ARFGEF2: variants seen among roughly 807,000 people sequenced by gnomAD.
The protein encoded by ARFGEF2 is ARF guanine nucleotide exchange factor 2.
In ARFGEF2, 74 loss-of-function variants were observed where a neutral mutation model predicts 219.9. The observed-to-expected ratio is 0.34, with a 90% confidence interval of 0.28 to 0.41. The LOEUF is 0.41. Ranked by LOEUF, ARFGEF2 falls within the 10% of genes least tolerant of loss-of-function variation. The pLI, the probability that ARFGEF2 is intolerant of heterozygous loss-of-function variation, is 1.00. For synonymous variants in ARFGEF2, 733 were observed against 799.2 expected (o/e 0.92, Z 1.40); for missense variants, 1,743 against 2,218.3 (o/e 0.79, Z 4.30).
chr20:48,970,541 C>T (rs934641006), intron 9 of ARFGEF2, among the ~76,000 whole-genome samples: 90 of 152,016 alleles, frequency 5.9e-4, no homozygotes, highest in Middle Eastern at 6.8e-3. Context: ...ACCCAGGAGA[C>T]GGAGGTTGCA....
intron 9 of ARFGEF2, among the ~76,000 whole-genome samples, chr20:48,970,826 C>G (rs557221038): frequency 6.6e-6 from 1 of 152,224 alleles, no homozygotes; most frequent in South Asian, 2.1e-4. Context: ...GTCATTGATT[C>G]TTGCAGTACA....
intron 31 of ARFGEF2, among the ~76,000 whole-genome samples, chr20:49,016,945 A>C (rs558009452): frequency 1.1e-4 from 16 of 152,296 alleles, no homozygotes; most frequent in Admixed American, 6.5e-4. Context: ...TGAGTGACTA[A>C]ATTTTTGAAA....
In ARFGEF2 at chr20:48,921,875, C is replaced by T; in HGVS notation, c.-15C>T. ...GCCCGCCCGCGGGGCCGTCAGCCCC[C>T]GCCGGGCCGGGGCCATGCAGGAGAG... On this transcript the variant is annotated 5_prime_UTR_variant, in exon 1 of 39. Coordinates refer to ENST00000371917, the MANE Select transcript of ARFGEF2 (RefSeq NM_006420.3). The T allele has an allele frequency of 6.6e-7, 1 of 1,525,116 alleles. No homozygotes were observed. Among genetic ancestry groups the T allele is most frequent in the Non-Finnish European group, 8.8e-7 (1 of 1,134,728 alleles). 94.5% of individuals were successfully genotyped at this position (1,525,116 alleles called of 1,614,324 possible). A position where few individuals can be genotyped will look rare whatever the true frequency, so the allele number is the denominator to read the frequency against.
At chr20:49,021,500 C>T (rs1205021230) in intron 34 of ARFGEF2, among the ~76,000 whole-genome samples, 1 of 152,060 alleles carries the variant, frequency 6.6e-6, no homozygotes. Flanking sequence ...TATAGTTAGT[C>T]TACTCAGTAA....
intron 25 of ARFGEF2, among the ~76,000 whole-genome samples, chr20:48,999,652 C>G (rs2091412818): frequency 6.7e-6 from 1 of 148,610 alleles, no homozygotes; most frequent in Admixed American, 7.0e-5. Flanking sequence ...GAGGCTGAGG[C>G]AGAAGAATGG....
At position 49,033,196 on chromosome 20, in the gene ARFGEF2, G is replaced by A; in HGVS notation, c.5355G>A (p.Trp1785Ter). 1 of 1,614,222 alleles carries A rather than the reference G, an allele frequency of 6.2e-7. No homozygotes were observed. Among genetic ancestry groups the A allele is most frequent in the Non-Finnish European group, 8.5e-7 (1 of 1,180,044 alleles). The change falls in exon 39 of 39, where the codon TGG becomes TGA. Residue 1785 changes from tryptophan to a stop codon, truncating the protein, a stop_gained. Transcript: ENST00000371917. LOFTEE classifies it high-confidence loss of function. ...SQVPAALSPV[W>*] ...TACCAGCAGCACTGTCACCAGTGTG[G>A]TAGCCCTGGCTGCCCAGGCCAGTGC...
intron 2 of ARFGEF2, among the ~76,000 whole-genome samples, 161 bp from the exon 3 acceptor site, chr20:48,941,703 C>A (rs560856221): frequency 1.1e-3 from 161 of 152,350 alleles, no homozygotes; most frequent in Non-Finnish European, 1.5e-3. Context: ...TGTGGCACTT[C>A]AGTGGTGTTT....
At chr20:48,964,736 C>T (rs1386191205) in intron 7 of ARFGEF2, among the ~76,000 whole-genome samples, 1 of 152,154 alleles carries the variant, frequency 6.6e-6, no homozygotes, top group Non-Finnish European at 1.5e-5. Context: ...TGTTTCTGCC[C>T]AAAATCTCAG....
Position 48,984,730 on chromosome 20 carries a change from T to G in ARFGEF2, c.1960T>G (p.Phe654Val). 6.2e-7 allele frequency: 1 copy of G among 1,614,032 alleles called. No homozygotes were observed. Among genetic ancestry groups the G allele is most frequent in the Non-Finnish European group, 8.5e-7 (1 of 1,180,030 alleles). ...KEIIEHGIEL[F>V]NKKPKRGIQF... ...GTGTCCCATCTCTGCTTGAAACAGG[T>G]TCAACAAGAAACCCAAGAGGGGGAT... Residue 654 changes from phenylalanine to valine, a missense_variant and splice_region_variant, in exon 15 of 39, where the codon TTC becomes GTC. Physicochemically the swap from Phe to Val is conservative, Grantham distance 50 (BLOSUM62 -1). Transcript: ENST00000371917.
intron 1 of ARFGEF2, among the ~76,000 whole-genome samples, chr20:48,923,714 T>C (rs1288267341): frequency 6.6e-6 from 1 of 152,246 alleles, no homozygotes; most frequent in African/African-American, 2.4e-5. Flanking sequence ...GGTTTCAGAA[T>C]AGTTATTTGG....
chr20:48,951,250 C>T, intron 3 of ARFGEF2, 73 bp from the exon 4 acceptor site: 1 of 1,578,932 alleles, frequency 6.3e-7, no homozygotes, highest in Non-Finnish European at 8.6e-7. Flanking sequence ...GTCTTTTGCT[C>T]TTGTGGGCTG....
intron 31 of ARFGEF2, 45 bp downstream of exon 31, chr20:49,016,460 A>C: frequency 6.2e-7 from 1 of 1,600,080 alleles, no homozygotes; most frequent in Non-Finnish European, 8.5e-7. Flanking sequence ...CATAGTCTTT[A>C]ATGAGAGGTT....
Position 48,991,097 on chromosome 20 carries a change from T to C in ARFGEF2, c.2872T>C (p.Ser958Pro). Residue 958 changes from serine (S) to proline (P), a missense_variant, in exon 21 of 39, where the codon TCC becomes CCC. By Grantham distance (74) the Ser-to-Pro change is moderately conservative. Coordinates refer to ENST00000371917, the MANE Select transcript of ARFGEF2 (RefSeq NM_006420.3). ...LARFSLLTAS[S>P]SITEMKQKNI... Reference sequence around the variant, plus strand: ...TCGCTTCTCCCTACTCACAGCCAGCTCCAGCATCACAGAAATGAAGCAGAA... The same window carrying C: ...TCGCTTCTCCCTACTCACAGCCAGCCCCAGCATCACAGAAATGAAGCAGAA... The C allele has an allele frequency of 6.2e-7, 1 of 1,614,110 alleles. No homozygotes were observed. The highest frequency in any genetic ancestry group is 8.5e-7 in the Non-Finnish European group (1 of 1,180,020).
At chr20:49,009,524 C>A (rs1012640464) in intron 26 of ARFGEF2, among the ~76,000 whole-genome samples, 1 of 151,908 alleles carries the variant, frequency 6.6e-6, no homozygotes, top group African/African-American at 2.4e-5. Flanking sequence ...ATAGTACTAT[C>A]GAAGCAGTAG....
At chr20:49,025,251 C>T in intron 35 of ARFGEF2, 62 bp from the exon 36 acceptor site, 1 of 1,550,272 alleles carries the variant, frequency 6.5e-7, no homozygotes, top group Non-Finnish European at 8.8e-7. Flanking sequence ...TGTCTGCAAT[C>T]ACAATGCCCA....
intron 3 of ARFGEF2, among the ~76,000 whole-genome samples, chr20:48,945,453 C>T (rs1444940949): frequency 1.3e-5 from 2 of 152,174 alleles, no homozygotes; most frequent in African/African-American, 4.8e-5. Context: ...TAACAGAAAT[C>T]GTTTGTTTCT....
chr20:48,953,716 A>G lies in ARFGEF2; in HGVS notation c.764A>G (p.His255Arg), dbSNP rs750906284. The stretch of plus-strand genomic sequence containing the variant: ...AAAACAGATTTAACCAACGGTGAAC[A>G]TGCCAGGAGTGATTCTGGAAAAGTA... ...PEKTDLTNGE[H>R]ARSDSGKVST... The change falls in exon 6 of 39, where the codon CAT becomes CGT. Residue 255 changes from histidine (H) to arginine (R), a missense_variant. Transcript: ENST00000371917. 34 of 1,614,216 alleles carry G rather than the reference A, an allele frequency of 2.1e-5. No homozygotes were observed. Among genetic ancestry groups the G allele is most frequent in the Admixed American group, 6.7e-5 (4 of 60,028 alleles).
rs1054944091 is a variant in ARFGEF2, at chr20:49,035,119, C to T, written c.*1920C>T. ...TCAGTCGTCTCCATTGATATTTGTA[C>T]AAAAGGTATACATGGGGAACACGTG... On this transcript the variant is annotated 3_prime_UTR_variant, in exon 39 of 39. Transcript: ENST00000371917. 5.3e-5 allele frequency: 8 copies of T among 152,206 alleles called. No homozygotes were observed. Among genetic ancestry groups the T allele is most frequent in the Non-Finnish European group, 8.8e-5 (6 of 68,036 alleles). 9.4% of individuals were successfully genotyped at this position (152,206 alleles called of 1,614,324 possible). A position where few individuals can be genotyped will look rare whatever the true frequency, so the allele number is the denominator to read the frequency against.
At position 49,036,301 on chromosome 20, in the gene ARFGEF2, A is replaced by T; in HGVS notation, c.*3102A>T. 3 of 398,358 alleles carry T rather than the reference A, an allele frequency of 7.5e-6. No homozygotes were observed. Among genetic ancestry groups the T allele is most frequent in the Non-Finnish European group, 1.3e-5 (3 of 225,936 alleles). The allele number at this position is 398,358 out of a possible 1,614,324, so 24.7% of individuals were successfully genotyped here. A position where few individuals can be genotyped will look rare whatever the true frequency, so the allele number is the denominator to read the frequency against. On this transcript the variant is annotated 3_prime_UTR_variant, in exon 39 of 39. Coordinates refer to ENST00000371917, the MANE Select transcript of ARFGEF2 (RefSeq NM_006420.3). ...GAAACCAAAGCTGAGTGTTTTAAAG[A>T]ATGAACATATCTGGAAATCCTTGCT...
Sources: allele counts gnomAD v4.1 joint callset (sites outside exome capture counted in the v4.1 genomes callset), GRCh38; gene constraint gnomAD v4.1.1; transcripts MANE v1.5; gene names NCBI Gene and HGNC (gene_info 2026-07-23, HGNC 2026-07-21).